The following CDC45 variants were observed in gnomAD, a reference collection of about 807,000 sequenced individuals.
CDC45 encodes cell division control protein 45 homolog.
In CDC45, 54 loss-of-function variants were observed where a neutral mutation model predicts 77.8. That is an observed-to-expected ratio of 0.69 (90% CI 0.56 to 0.87). The LOEUF (loss-of-function observed/expected upper bound fraction) is 0.87, where lower values mean the gene tolerates loss of function less well. Among genes scored for constraint, CDC45 ranks in the 40% least tolerant of loss-of-function variants. CDC45 has a pLI of 0.00. For synonymous variants in CDC45, 260 were observed against 272.1 expected (o/e 0.96, Z 0.44); for missense variants, 649 against 721.6 (o/e 0.90, Z 1.15).
At chr22:19,519,731 G>A (rs1452475399) in intron 18 of CDC45, among the ~76,000 whole-genome samples, 1 of 152,204 alleles carries the variant, frequency 6.6e-6, no homozygotes. Flanking sequence ...TCCCTCCAGG[G>A]GCAAGCACCT....
intron 5 of CDC45, among the ~76,000 whole-genome samples, chr22:19,492,444 T>C (rs1264093150): frequency 6.6e-6 from 1 of 152,152 alleles, no homozygotes; most frequent in Non-Finnish European, 1.5e-5. Flanking sequence ...AAACTTTGTT[T>C]AGAACACTTG....
At chr22:19,507,997 C>T (rs1427410744) in intron 12 of CDC45, 133 bp downstream of exon 12, 1 of 633,482 alleles carries the variant, frequency 1.6e-6, no homozygotes, top group African/African-American at 1.9e-5. Flanking sequence ...AAAAAAACAA[C>T]AACCCGAGAA....
rs569051790 is a variant in CDC45 at position 19,503,021 on chromosome 22, G to A, written c.705-2341G>A. 2.6e-4 allele frequency among the ~76,000 whole-genome samples: 40 copies of A among 152,198 alleles called. 1 individual carries two copies. In the South Asian group the frequency reaches 8.3e-3, roughly 32 times the overall value. On this transcript the variant is annotated intron_variant, in intron 9 of 18. Coordinates refer to ENST00000263201, the MANE Select transcript of CDC45 (RefSeq NM_003504.5). The stretch of plus-strand genomic sequence containing the variant: ...CTCTATAAAAATAAAAAAAAAATCA[G>A]CTGGGCATGGTGGTGCATGCCTGTG...
At chr22:19,517,583 G>C (rs187314233) in intron 17 of CDC45, among the ~76,000 whole-genome samples, 1 of 152,208 alleles carries the variant, frequency 6.6e-6, no homozygotes, top group Non-Finnish European at 1.5e-5. Context: ...CTTCAACCAC[G>C]TGTCTCCTCC....
At chr22:19,501,122 G>A (rs528659783) in intron 9 of CDC45, among the ~76,000 whole-genome samples, 1 of 152,292 alleles carries the variant, frequency 6.6e-6, no homozygotes, top group African/African-American at 2.4e-5. Flanking sequence ...GGAGGCTGCG[G>A]TGAGCTGAGA....
rs769877924 is a variant in CDC45 at position 19,516,798 on chromosome 22, A to T, written c.1560-19A>T. The T allele has an allele frequency of 6.2e-7, 1 of 1,613,182 alleles. No individual in the cohort carries two copies. The highest frequency in any genetic ancestry group is 1.1e-5 in the South Asian group (1 of 91,064). On this transcript the variant is annotated intron_variant, in intron 16 of 18. Transcript: ENST00000263201. Reference sequence around the variant, plus strand: ...CATTGCAGGCCGCCTGGCCCCCGACATGTCTTGTGTGTCAGCAGCTTTTTT... The same window carrying T: ...CATTGCAGGCCGCCTGGCCCCCGACTTGTCTTGTGTGTCAGCAGCTTTTTT...
chr22:19,483,397 A>T (rs1159663786), intron 4 of CDC45, among the ~76,000 whole-genome samples: 2 of 152,074 alleles, frequency 1.3e-5, no homozygotes, highest in African/African-American at 4.8e-5. Flanking sequence ...GTGCCACTGC[A>T]CTCCAGCTTG....
intron 5 of CDC45, among the ~76,000 whole-genome samples, chr22:19,491,750 G>A (rs2090156715): frequency 1.3e-5 from 2 of 151,872 alleles, no homozygotes; most frequent in African/African-American, 4.8e-5. Flanking sequence ...CTGTCACCCA[G>A]GCTGGAATGC....
At chr22:19,496,807 T>C (rs1207326201) in intron 7 of CDC45, among the ~76,000 whole-genome samples, 1 of 152,180 alleles carries the variant, frequency 6.6e-6, no homozygotes, top group South Asian at 2.1e-4. Flanking sequence ...TCAAGGTCTT[T>C]TACCAAATAG....
chr22:19,505,571 C>T lies in CDC45; in HGVS notation c.824+90C>T, dbSNP rs143375740. The T allele has an allele frequency of 7.3e-4, 1,071 of 1,460,356 alleles. 12 individuals are homozygous for T. In the East Asian group the frequency reaches 0.017, roughly 23 times the overall value. 90.5% of individuals were successfully genotyped at this position (1,460,356 alleles called of 1,614,324 possible). Reference sequence around the variant, plus strand: ...TGTCACCCTCTGTGGGTTCTGGCCACATCCCCAGGAGGGAAAGCAGGTGGG... The same window carrying T: ...TGTCACCCTCTGTGGGTTCTGGCCATATCCCCAGGAGGGAAAGCAGGTGGG... On this transcript the variant is annotated intron_variant, in intron 10 of 18. Coordinates refer to ENST00000263201, the MANE Select transcript of CDC45 (RefSeq NM_003504.5).
chr22:19,505,415 A>G lies in CDC45; in HGVS notation c.758A>G (p.Asn253Ser), dbSNP rs778364933. The change falls in exon 10 of 19, where the codon AAC (asparagine) becomes AGC (serine). Residue 253 changes from asparagine to serine, a missense_variant. Coordinates refer to ENST00000263201, the MANE Select transcript of CDC45 (RefSeq NM_003504.5). ...GVLQRHVSRHNHRNEDEENTL... is the reference protein window; with the variant it reads ...GVLQRHVSRHSHRNEDEENTL... ...CTGCAGCGCCACGTTTCCCGCCACAACCACCGGAACGAGGATGAGGAGAAC... is the reference window on the plus strand; with the variant it reads ...CTGCAGCGCCACGTTTCCCGCCACAGCCACCGGAACGAGGATGAGGAGAAC... 3 of 1,614,062 alleles carry G rather than the reference A, an allele frequency of 1.9e-6. No individual in the cohort carries two copies. Among genetic ancestry groups the G allele is most frequent in the African/African-American group, 2.7e-5 (2 of 75,022 alleles).
Position 19,518,612 on chromosome 22 carries a change from G to C in CDC45, c.1637-232G>C, listed in dbSNP as rs13447288. On this transcript the variant is annotated intron_variant, in intron 17 of 18. Coordinates refer to ENST00000263201, the MANE Select transcript of CDC45 (RefSeq NM_003504.5). ...TGTGTCACCTCTATTGTCTTCCCGG[G>C]GGGGAGTTCTCCCTGCAGGCCCCAA... Among the ~76,000 whole-genome samples the C allele has an allele frequency of 0.029, 4,364 of 152,198 alleles. 159 individuals are homozygous for C. Among genetic ancestry groups the C allele is most frequent in the African/African-American group, 0.081 (3,364 of 41,494 alleles).
chr22:19,520,328 C>T lies in CDC45; in HGVS notation c.*2-153C>T, dbSNP rs1602007444. ...GCCCAGTCAAGGGGTGCTATGAGGA[C>T]AGCAGGGGCCTCCGAGTCTGGGGTG... On this transcript the variant is annotated intron_variant, in intron 18 of 18. Transcript: ENST00000263201. The surrounding 1 kb of genome is among the most constrained non-coding windows in gnomAD (Gnocchi z 4.5). Among the ~76,000 whole-genome samples, 2 of 152,174 alleles carry T rather than the reference C, an allele frequency of 1.3e-5. No individual in the cohort carries two copies. Among genetic ancestry groups the T allele is most frequent in the South Asian group, 4.1e-4 (2 of 4,826 alleles).
chr22:19,512,198 C>A (rs929156672), intron 13 of CDC45, among the ~76,000 whole-genome samples: 5 of 152,172 alleles, frequency 3.3e-5, no homozygotes, highest in African/African-American at 1.2e-4. Context: ...TAACAGGACC[C>A]CTTGCTCATT....
intron 9 of CDC45, among the ~76,000 whole-genome samples, chr22:19,503,756 C>T (rs573240241): frequency 6.6e-6 from 1 of 152,132 alleles, no homozygotes; most frequent in Non-Finnish European, 1.5e-5. Flanking sequence ...TAGGGAGGGT[C>T]GACAAGACCT....
intron 5 of CDC45, among the ~76,000 whole-genome samples, chr22:19,490,905 A>C (rs1305153018): frequency 2.0e-5 from 3 of 147,082 alleles, no homozygotes; most frequent in Non-Finnish European, 3.0e-5. Context: ...TCAGCTTACT[A>C]CAACCTCTAC....
upstream of CDC45, chr22:19,479,740 A>G (rs2089941182): frequency 9.1e-6 from 6 of 655,770 alleles, no homozygotes; most frequent in Admixed American, 2.4e-5. Flanking sequence ...TCGGCCTCAG[A>G]GGTGACGCTT....
intron 9 of CDC45, among the ~76,000 whole-genome samples, chr22:19,503,570 T>C (rs372917733): frequency 1.7e-4 from 26 of 152,268 alleles, no homozygotes; most frequent in African/African-American, 6.3e-4. Context: ...CTGCTAGCAA[T>C]TCCTTCAGGG....
chr22:19,487,160 C>G (rs1177494663), intron 5 of CDC45, among the ~76,000 whole-genome samples: 4 of 151,978 alleles, frequency 2.6e-5, no homozygotes, highest in Non-Finnish European at 5.9e-5. Context: ...GGAGCAATGG[C>G]AGATGCCGGT....
Sources: allele counts gnomAD v4.1 joint callset (sites outside exome capture counted in the v4.1 genomes callset), GRCh38; gene constraint gnomAD v4.1.1; non-coding constraint Gnocchi (gnomAD v3.1); transcripts MANE v1.5; gene names NCBI Gene and HGNC (gene_info 2026-07-23, HGNC 2026-07-21).